ROBO1: variants seen among roughly 807,000 people sequenced by gnomAD.
ROBO1 encodes roundabout guidance receptor 1.
Under a neutral mutation model 195.9 loss-of-function variants are expected in ROBO1, and 149 were observed. The ratio of observed to expected loss-of-function variants is 0.76; its 90% CI spans 0.67 to 0.87. ROBO1 has a LOEUF of 0.87. ROBO1 is among the 40% of genes least tolerant of loss of function. The pLI is 0.00. For synonymous variants in ROBO1, 816 were observed against 733.2 expected, an observed-to-expected ratio of 1.11 and a Z score of -1.82; for missense variants, 1,933 against 2,068.3, an observed-to-expected ratio of 0.93 and a Z score of 1.27.
chr3:78,774,380 G>A (rs989395373), intron 4 of ROBO1, among the ~76,000 whole-genome samples: 23 of 151,472 alleles, frequency 1.5e-4, no homozygotes, highest in South Asian at 6.3e-4. Flanking sequence ...GCCGGATCTC[G>A]GCTCACCGCA....
intron 4 of ROBO1, among the ~76,000 whole-genome samples, chr3:78,925,638 T>C (rs928696712): frequency 6.6e-6 from 1 of 152,146 alleles, no homozygotes; most frequent in Middle Eastern, 3.2e-3. Flanking sequence ...AAATTAATAA[T>C]AATACTTTTG....
chr3:78,999,866 A>G (rs1303552057), intron 3 of ROBO1, among the ~76,000 whole-genome samples: 1 of 152,124 alleles, frequency 6.6e-6, no homozygotes, highest in East Asian at 1.9e-4. Flanking sequence ...CTGATGGGCA[A>G]TCACGCAAAA....
At chr3:79,141,861 T>A (rs1216521150) in intron 2 of ROBO1, among the ~76,000 whole-genome samples, 8 of 152,158 alleles carry the variant, frequency 5.3e-5, no homozygotes, top group Non-Finnish European at 1.5e-5. Flanking sequence ...ACACACATAC[T>A]ACATATACAC....
intron 3 of ROBO1, among the ~76,000 whole-genome samples, chr3:79,017,884 T>G (rs2077990846): frequency 6.6e-6 from 1 of 152,108 alleles, no homozygotes; most frequent in Non-Finnish European, 1.5e-5. Context: ...AGAATCAAAT[T>G]TAATTACAGA....
Position 78,874,084 on chromosome 3 carries a change from G to T in ROBO1, c.499+64517C>A, listed in dbSNP as rs2127773. On this transcript the variant is annotated intron_variant, in intron 4 of 30. Transcript: ENST00000464233. ...AGTATGAGCAACGGGCATAAGCAAA[G>T]ATTTTTCCATCTTGCATTTTCAAAA... is the stretch of plus-strand genomic sequence containing the variant. Among the ~76,000 whole-genome samples the T allele has an allele frequency of 1.1e-3, 161 of 151,830 alleles. No individual in the cohort carries two copies. The East Asian group carries it at 0.028, about 27-fold the overall frequency.
intron 4 of ROBO1, among the ~76,000 whole-genome samples, chr3:78,851,961 GCAAA>G (rs921315626): frequency 9.9e-5 from 15 of 151,680 alleles, no homozygotes; most frequent in African/African-American, 3.6e-4. Context: ...AACAGTATAA[GCAAA>G]CATTTATGGG....
At position 79,422,737 on chromosome 3, in the gene ROBO1, C is replaced by T. The variant is rs564945839; in HGVS notation, c.88+167087G>A. ...TTAACAGATGTCATACCTAAGTTCT[C>T]AAACTGTTATGATCCATTTGCACAT... On this transcript the variant is annotated intron_variant, in intron 2 of 30. Coordinates refer to ENST00000464233, the MANE Select transcript of ROBO1 (RefSeq NM_002941.4). Among the ~76,000 whole-genome samples the T allele has an allele frequency of 7.9e-5, 12 of 152,162 alleles. No homozygotes were observed. In the South Asian group the frequency reaches 2.5e-3, roughly 32 times the overall value.
At chr3:79,403,159 A>G (rs2037426544) in intron 2 of ROBO1, among the ~76,000 whole-genome samples, 1 of 151,982 alleles carries the variant, frequency 6.6e-6, no homozygotes, top group South Asian at 2.1e-4. Flanking sequence ...AGGCAAGAAA[A>G]AATGCTGTAA....
intron 4 of ROBO1, among the ~76,000 whole-genome samples, chr3:78,780,681 TG>T (rs1230196206): frequency 2.6e-5 from 4 of 152,164 alleles, no homozygotes; most frequent in African/African-American, 4.8e-5. Context: ...TTTCAGGCTT[TG>T]TATGAGTTGA....
At chr3:79,127,747 T>C (rs992218326) in intron 2 of ROBO1, among the ~76,000 whole-genome samples, 1 of 152,230 alleles carries the variant, frequency 6.6e-6, no homozygotes, top group Admixed American at 6.5e-5. Flanking sequence ...ATGAGATACC[T>C]AAATCATATA....
At chr3:79,695,859 A>G (rs12491101) in intron 1 of ROBO1, among the ~76,000 whole-genome samples, 42,534 of 151,308 alleles carry the variant, frequency 0.28, 7,501 homozygotes, top group East Asian at 0.53. Context: ...ATTATTTTAC[A>G]ATCTAAAACA....
chr3:79,526,251 G>T (rs1941427933), intron 2 of ROBO1, among the ~76,000 whole-genome samples: 1 of 152,170 alleles, frequency 6.6e-6, no homozygotes, highest in Non-Finnish European at 1.5e-5. Context: ...GTTGCAGAAT[G>T]AAACTAACAA....
At chr3:79,049,469 G>T (rs111907696) in intron 3 of ROBO1, among the ~76,000 whole-genome samples, 1 of 152,006 alleles carries the variant, frequency 6.6e-6, no homozygotes, top group African/African-American at 2.4e-5. Flanking sequence ...GTTAGAAAAC[G>T]CTCCTCAGAA....
intron 19 of ROBO1, among the ~76,000 whole-genome samples, chr3:78,650,388 C>T (rs546756885): frequency 6.6e-6 from 1 of 152,152 alleles, no homozygotes; most frequent in South Asian, 2.1e-4. Context: ...AATGCATGTA[C>T]ATGAAGAGAT....
chr3:79,162,918 T>C (rs1313192937), intron 2 of ROBO1, among the ~76,000 whole-genome samples: 1 of 152,132 alleles, frequency 6.6e-6, no homozygotes, highest in African/African-American at 2.4e-5. Context: ...TAAAAAATCA[T>C]ATGTTTAAAT....
chr3:78,894,882 G>A (rs536577412), intron 4 of ROBO1, among the ~76,000 whole-genome samples: 2 of 152,324 alleles, frequency 1.3e-5, no homozygotes, highest in East Asian at 3.9e-4. Context: ...GCTAGAAAGA[G>A]AACACTGTAA....
At chr3:79,411,737 A>C (rs141285649) in intron 2 of ROBO1, among the ~76,000 whole-genome samples, 1,939 of 152,308 alleles carry the variant, frequency 0.013, 36 homozygotes, top group African/African-American at 0.043. Flanking sequence ...AGATGTGTGG[A>C]GCTTACGGAA....
intron 10 of ROBO1, among the ~76,000 whole-genome samples, chr3:78,681,759 G>A (rs140949939): frequency 2.6e-4 from 40 of 152,200 alleles, no homozygotes; most frequent in East Asian, 7.8e-4. Context: ...AAAATTAGTC[G>A]GGCGTGGTGG....
chr3:79,611,780 C>T (rs1944665366), intron 1 of ROBO1, among the ~76,000 whole-genome samples: 1 of 151,960 alleles, frequency 6.6e-6, no homozygotes, highest in African/African-American at 2.4e-5. Context: ...GGAGAAATAC[C>T]TAATGTGGAT....
Sources: gnomAD v4.1 joint callset for allele counts (sites outside exome capture counted in the v4.1 genomes callset) on GRCh38, gnomAD v4.1.1 for gene constraint, MANE v1.5 for transcripts, NCBI Gene and HGNC (gene_info 2026-07-23, HGNC 2026-07-21) for gene names.